Variants in TRAPPC9 observed in about 807,000 individuals in gnomAD.
The protein encoded by TRAPPC9 is trafficking protein particle complex subunit 9.
Under a neutral mutation model 124.0 loss-of-function variants are expected in TRAPPC9, and 83 were observed. The observed-to-expected ratio is 0.67, with a 90% CI of 0.56 to 0.80. TRAPPC9 has a LOEUF of 0.80. Ranked by LOEUF, TRAPPC9 falls within the 30% of genes least tolerant of loss-of-function variation. The pLI, the probability that TRAPPC9 is intolerant of heterozygous loss-of-function variation, is 0.00. For missense variants in TRAPPC9, 1,302 were observed against 1,508.3 expected, an observed-to-expected ratio of 0.86 and a Z score of 2.27; for synonymous variants, 638 against 617.5, an observed-to-expected ratio of 1.03 and a Z score of -0.49.
In TRAPPC9 at chr8:140,311,239, C is replaced by T; in HGVS notation, c.1622+9G>A. ...AGCTGCCTTTCCGGCTCTGCAGTGC[C>T]CATCTCACCTGACGATGGGAAGCTT... On this transcript the variant is annotated intron_variant, in intron 10 of 22. Coordinates refer to ENST00000438773, the MANE Select transcript of TRAPPC9 (RefSeq NM_001160372.4). The T allele has an allele frequency of 1.9e-6, 3 of 1,609,652 alleles. No individual in the cohort carries two copies. The highest frequency in any genetic ancestry group is 1.1e-5 in the South Asian group (1 of 91,066).
chr8:140,150,323 C>A (rs1027883104), intron 17 of TRAPPC9, among the ~76,000 whole-genome samples: 1 of 152,132 alleles, frequency 6.6e-6, no homozygotes, highest in African/African-American at 2.4e-5. Context: ...GTGGCAGGCA[C>A]CTGTAATCCC....
chr8:140,128,326 G>A (rs1314344519), intron 17 of TRAPPC9, among the ~76,000 whole-genome samples: 1 of 152,212 alleles, frequency 6.6e-6, no homozygotes, highest in Non-Finnish European at 1.5e-5. Flanking sequence ...ATGGAAACCA[G>A]CTCCAGCTCT....
rs1196412159 is a variant in TRAPPC9, at chr8:139,732,207, A to T, written c.3056-5T>A. 6.3e-7 allele frequency: 1 copy of T among 1,581,174 alleles called. No homozygotes were observed. The highest frequency in any genetic ancestry group is 2.3e-5 in the East Asian group (1 of 43,976). ...GCTGTCCGTCCACCAGCACATCTGTAAGGGACACGAGACTGTCGGGGGCTG... is the reference window on the plus strand; with the variant it reads ...GCTGTCCGTCCACCAGCACATCTGTTAGGGACACGAGACTGTCGGGGGCTG... On this transcript the variant is annotated splice_region_variant and splice_polypyrimidine_tract_variant and intron_variant, in intron 21 of 22. Transcript: ENST00000438773.
At chr8:140,036,255 C>A (rs2131999341) in intron 17 of TRAPPC9, among the ~76,000 whole-genome samples, 1 of 151,166 alleles carries the variant, frequency 6.6e-6, no homozygotes, top group African/African-American at 2.4e-5. Context: ...CTGGCTGCAA[C>A]ATGGAAGACA....
intron 21 of TRAPPC9, among the ~76,000 whole-genome samples, chr8:139,874,883 C>T (rs1255607635): frequency 6.6e-6 from 1 of 152,134 alleles, no homozygotes; most frequent in Non-Finnish European, 1.5e-5. Flanking sequence ...CGCGCATAAC[C>T]GGGGGCAGGG....
intron 21 of TRAPPC9, among the ~76,000 whole-genome samples, chr8:139,807,224 C>A (rs1351508630): frequency 6.6e-6 from 1 of 152,138 alleles, no homozygotes; most frequent in East Asian, 1.9e-4. Context: ...GGACAGGAGT[C>A]CTTTGAAGAG....
intron 17 of TRAPPC9, among the ~76,000 whole-genome samples, chr8:140,032,894 G>C (rs1054698993): frequency 1.3e-5 from 2 of 152,136 alleles, no homozygotes; most frequent in African/African-American, 4.8e-5. Context: ...TGAAAACAGG[G>C]TATATTGTTC....
At chr8:140,084,435 C>T (rs73359171) in intron 17 of TRAPPC9, among the ~76,000 whole-genome samples, 14 of 152,270 alleles carry the variant, frequency 9.2e-5, no homozygotes, top group African/African-American at 3.1e-4. Flanking sequence ...ACAGGCTGAG[C>T]GTGTCCCTTC....
intron 21 of TRAPPC9, among the ~76,000 whole-genome samples, chr8:139,792,424 G>A (rs1023999676): frequency 3.3e-5 from 5 of 152,210 alleles, no homozygotes; most frequent in African/African-American, 9.7e-5. Flanking sequence ...GCGTGTGTGC[G>A]TGGGCCTGGC....
chr8:139,799,360 C>T (rs1415167376), intron 21 of TRAPPC9, among the ~76,000 whole-genome samples: 3 of 152,188 alleles, frequency 2.0e-5, no homozygotes, highest in Admixed American at 1.3e-4. Flanking sequence ...AACATGCACA[C>T]GATCCAGAGA....
Position 140,127,684 on chromosome 8 carries a change from A to G in TRAPPC9, c.2556+93775T>C, listed in dbSNP as rs1413079949. ...TTCCAGAAATAATTTCATTTTATCA[A>G]CAAACATTAAAGGAGATACGTTCTT... On this transcript the variant is annotated intron_variant, in intron 17 of 22. Transcript: ENST00000438773. Among the ~76,000 whole-genome samples, 5 of 152,392 alleles carry G rather than the reference A, an allele frequency of 3.3e-5. No individual in the cohort carries two copies. In the East Asian group the frequency reaches 7.7e-4, roughly 23 times the overall value.
chr8:140,266,904 G>C (rs757466434), intron 15 of TRAPPC9, among the ~76,000 whole-genome samples: 4 of 152,102 alleles, frequency 2.6e-5, no homozygotes, highest in Non-Finnish European at 5.9e-5. Flanking sequence ...TTAGGAATTT[G>C]TGAACACAGG....
chr8:139,785,479 C>T (rs12549866), intron 21 of TRAPPC9, among the ~76,000 whole-genome samples: 7 of 151,978 alleles, frequency 4.6e-5, no homozygotes, highest in African/African-American at 7.2e-5. Flanking sequence ...GAGTGGATCG[C>T]GTGAGGCCAG....
At chr8:140,224,940 TC>T (rs1424353632) in intron 16 of TRAPPC9, among the ~76,000 whole-genome samples, 1 of 152,176 alleles carries the variant, frequency 6.6e-6, no homozygotes, top group Non-Finnish European at 1.5e-5. Context: ...GAGGTGCGGC[TC>T]CCCTTCTACC....
chr8:139,736,662 C>T (rs1035228115), intron 21 of TRAPPC9, among the ~76,000 whole-genome samples: 40 of 152,150 alleles, frequency 2.6e-4, no homozygotes, highest in African/African-American at 9.7e-4. Context: ...GTGGTGGAAA[C>T]GGGTCTAATG....
chr8:140,016,986 T>A (rs1023924255), intron 18 of TRAPPC9, among the ~76,000 whole-genome samples: 1 of 152,180 alleles, frequency 6.6e-6, no homozygotes, highest in African/African-American at 2.4e-5. Flanking sequence ...GCCATTCTAG[T>A]GGGTATATAG....
intron 21 of TRAPPC9, among the ~76,000 whole-genome samples, chr8:139,809,676 A>C (rs893286525): frequency 6.6e-6 from 1 of 151,888 alleles, no homozygotes; most frequent in Non-Finnish European, 1.5e-5. Context: ...AGAAGCCCCC[A>C]TTCTCTCTTA....
intron 9 of TRAPPC9, 113 bp downstream of exon 9, chr8:140,359,937 G>A: frequency 6.8e-7 from 1 of 1,460,264 alleles, no homozygotes; most frequent in South Asian, 1.2e-5. Context: ...CGAAGAGCTG[G>A]GCAGCATCTT....
chr8:139,791,064 C>T (rs369767571), intron 21 of TRAPPC9, among the ~76,000 whole-genome samples: 5 of 152,142 alleles, frequency 3.3e-5, no homozygotes, highest in East Asian at 3.8e-4. Context: ...ATTCACCCTC[C>T]TTTCTTTATA....
Sources: gnomAD v4.1 joint callset for allele counts (sites outside exome capture counted in the v4.1 genomes callset) on GRCh38, gnomAD v4.1.1 for gene constraint, MANE v1.5 for transcripts, NCBI Gene and HGNC (gene_info 2026-07-23, HGNC 2026-07-21) for gene names.